Variants in F7 observed in about 807,000 individuals in gnomAD.
F7 encodes FVII coagulation protein.
A neutral mutation model predicts 47.5 loss-of-function variants in F7; 38 were observed. The ratio of observed to expected loss-of-function variants is 0.80; its 90% CI spans 0.62 to 1.05. The LOEUF (loss-of-function observed/expected upper bound fraction) is 1.05. Ranked by LOEUF, F7 falls within the 50% of genes least tolerant of loss-of-function variation. The pLI is 0.00. For missense variants in F7, 575 were observed against 605.4 expected, an observed-to-expected ratio of 0.95 and a Z score of 0.53; for synonymous variants, 244 against 258.5, an observed-to-expected ratio of 0.94 and a Z score of 0.54.
chr13:113,107,887 G>A (rs1167932235), intron 1 of F7, among the ~76,000 whole-genome samples: 4 of 97,094 alleles, frequency 4.1e-5, no homozygotes, highest in Non-Finnish European at 6.7e-5. Context: ...TGTTCCGGAG[G>A]CGAGGGTATC....
chr13:113,111,072 A>G (rs1212120619), intron 2 of F7, among the ~76,000 whole-genome samples: 1 of 152,104 alleles, frequency 6.6e-6, no homozygotes. Flanking sequence ...GTGCGGCCGC[A>G]CCGCGCATGC....
At position 113,113,303 on chromosome 13, in the gene F7, C is replaced by T. The variant is rs1051898537; in HGVS notation, c.226-449C>T. Among the ~76,000 whole-genome samples the T allele has an allele frequency of 1.4e-4, 21 of 152,208 alleles. No homozygotes were observed. Among genetic ancestry groups the T allele is most frequent in the Non-Finnish European group, 2.2e-4 (15 of 68,034 alleles). ...CTCATCTGTTGTATTCTCACAGCAC[C>T]CCGTGAGTTTAAGTTCAGGTGGCCA... is the stretch of plus-strand genomic sequence containing the variant. On this transcript the variant is annotated intron_variant, in intron 2 of 7. Coordinates refer to ENST00000346342, the MANE Select transcript of F7 (RefSeq NM_019616.4). This position sits in a 1 kb window ranked among gnomAD's most constrained non-coding sequence, Gnocchi z 4.1.
chr13:113,118,393 G>C lies in F7; in HGVS notation c.740-20G>C, dbSNP rs6041. 5 of 1,579,314 alleles carry C rather than the reference G, an allele frequency of 3.2e-6. No homozygotes were observed. The highest frequency in any genetic ancestry group is 2.3e-5 in the East Asian group (1 of 44,424). On this transcript the variant is annotated intron_variant, in intron 7 of 7. Transcript: ENST00000346342. Reference sequence around the variant, plus strand: ...GTGGCAGGTGGTGGAAAGGGCCTGAGGGGGGCTTCTTCCTTCCAGGCGAGC... The same window carrying C: ...GTGGCAGGTGGTGGAAAGGGCCTGACGGGGGCTTCTTCCTTCCAGGCGAGC...
chr13:113,113,749 C>T lies in F7; in HGVS notation c.226-3C>T. 6.2e-7 allele frequency: 1 copy of T among 1,614,186 alleles called. No homozygotes were observed. Among genetic ancestry groups the T allele is most frequent in the East Asian group, 2.2e-5 (1 of 44,876 alleles). On this transcript the variant is annotated splice_polypyrimidine_tract_variant and splice_region_variant and intron_variant, in intron 2 of 7. Transcript: ENST00000346342. The surrounding 1 kb of genome is among the most constrained non-coding windows in gnomAD (Gnocchi z 4.1). ...CACGAGGCTTGCTCTCTTGTTCCTT[C>T]AGAAGCTGTTCTGGATTTCTTACAG...
At chr13:113,117,773 C>T (rs544460837) in intron 7 of F7, among the ~76,000 whole-genome samples, 177 bp downstream of exon 7, 3 of 152,220 alleles carry the variant, frequency 2.0e-5, no homozygotes, top group East Asian at 1.9e-4. Context: ...TGTCCGACCG[C>T]GGTGCTGGGT....
In F7 at chr13:113,113,727, G is replaced by T; in HGVS notation, c.226-25G>T. 1.2e-6 allele frequency: 2 copies of T among 1,612,204 alleles called. No homozygotes were observed. The highest frequency in any genetic ancestry group is 1.3e-5 in the African/African-American group (1 of 75,022). ...GTGCTCTGGTGAAGGTGCATCTCAC[G>T]AGGCTTGCTCTCTTGTTCCTTCAGA... On this transcript the variant is annotated intron_variant, in intron 2 of 7. Transcript: ENST00000346342. This position sits in a 1 kb window ranked among gnomAD's most constrained non-coding sequence, Gnocchi z 4.1.
chr13:113,116,906 G>A (rs2036203791), intron 6 of F7, 31 bp downstream of exon 6: 6 of 1,543,842 alleles, frequency 3.9e-6, no homozygotes, highest in Non-Finnish European at 5.4e-6. Flanking sequence ...AGGATTCCAA[G>A]CCCTGAGGGT....
intron 2 of F7, among the ~76,000 whole-genome samples, chr13:113,111,673 C>T (rs1477624855): frequency 1.7e-4 from 17 of 98,320 alleles, no homozygotes; most frequent in East Asian, 6.8e-4. Context: ...TCACACAAGA[C>T]ACCTCACACG....
chr13:113,110,474 G>A, intron 1 of F7: 1 of 575,548 alleles, frequency 1.7e-6, no homozygotes, highest in Non-Finnish European at 2.9e-6. Flanking sequence ...TCAGCCCCCG[G>A]AAGCAGAGAG....
At chr13:113,116,452 C>T (rs1455108263) in intron 5 of F7, among the ~76,000 whole-genome samples, 2 of 152,242 alleles carry the variant, frequency 1.3e-5, no homozygotes, top group African/African-American at 4.8e-5. Context: ...AGTCAAACAA[C>T]ACATCTTCTC....
At chr13:113,110,558 G>T in intron 1 of F7, 132 bp from the exon 2 acceptor site, 2 of 1,278,748 alleles carry the variant, frequency 1.6e-6, no homozygotes, top group South Asian at 1.4e-5. Flanking sequence ...AGCCAGGCCC[G>T]CGAGCAGCGC....
intron 1 of F7, chr13:113,106,997 C>T (rs895989343): frequency 4.3e-5 from 62 of 1,445,858 alleles, no homozygotes; most frequent in East Asian, 3.5e-4. Flanking sequence ...AGAGCCAGCC[C>T]GCGGGGTGGC....
chr13:113,116,515 A>T (rs2036194542), intron 5 of F7, among the ~76,000 whole-genome samples: 1 of 152,240 alleles, frequency 6.6e-6, no homozygotes, highest in Non-Finnish European at 1.5e-5. Flanking sequence ...TGTTTCCTCC[A>T]AAACCAGCCC....
chr13:113,109,408 T>G (rs2036045463), intron 1 of F7, among the ~76,000 whole-genome samples: 1 of 152,062 alleles, frequency 6.6e-6, no homozygotes, highest in African/African-American at 2.4e-5. Context: ...ATCCTCAGCC[T>G]CCTTCCAAAC....
At chr13:113,110,894 C>A in intron 2 of F7, 44 bp downstream of exon 2, 1 of 1,542,458 alleles carries the variant, frequency 6.5e-7, no homozygotes. Context: ...ACACTGCAGG[C>A]GGCGGTGAAC....
At chr13:113,118,314 G>A in intron 7 of F7, 99 bp from the exon 8 acceptor site, 1 of 1,331,646 alleles carries the variant, frequency 7.5e-7, no homozygotes, top group Non-Finnish European at 1.0e-6. Flanking sequence ...GGAGACTGCA[G>A]CCCCTGCAGA....
chr13:113,110,938 T>A, intron 2 of F7, 88 bp downstream of exon 2: 2 of 1,454,036 alleles, frequency 1.4e-6, no homozygotes, highest in Non-Finnish European at 1.8e-6. Flanking sequence ...TCTCTTTGGC[T>A]GCGGCTGTGG....
rs550074221 is a variant in F7 at position 113,118,436 on chromosome 13, G to C, written c.763G>C (p.Asp255His). ...VLGEHDLSEH[D>H]GDEQSRRVAQ... ...AGGCGAGCACGACCTCAGCGAGCAC[G>C]ACGGGGATGAGCAGAGCCGGCGGGT... Residue 255 changes from aspartate (D) to histidine (H), a missense_variant, in exon 8 of 8, where the codon GAC becomes CAC. By Grantham distance (81) the Asp-to-His change is moderately conservative. Coordinates refer to ENST00000346342, the MANE Select transcript of F7 (RefSeq NM_019616.4). 3 of 1,602,458 alleles carry C rather than the reference G, an allele frequency of 1.9e-6. No individual in the cohort carries two copies. Among genetic ancestry groups the C allele is most frequent in the Admixed American group, 3.3e-5 (2 of 59,820 alleles).
At chr13:113,117,049 G>A (rs1490256035) in intron 6 of F7, 174 bp downstream of exon 6, 1 of 705,904 alleles carries the variant, frequency 1.4e-6, no homozygotes, top group Non-Finnish European at 2.6e-6. Flanking sequence ...AGTGGGGCAA[G>A]GAAGGAGAAA....
Sources: gnomAD v4.1 joint callset for allele counts (sites outside exome capture counted in the v4.1 genomes callset) on GRCh38, gnomAD v4.1.1 for gene constraint, Gnocchi (gnomAD v3.1) non-coding constraint, MANE v1.5 for transcripts, NCBI Gene and HGNC (gene_info 2026-07-23, HGNC 2026-07-21) for gene names.